IQCN: variants seen among roughly 807,000 people sequenced by gnomAD.
IQCN encodes IQ domain-containing protein N.
IQCN carries 46 observed loss-of-function variants against 64.4 expected under a neutral mutation model. The observed-to-expected ratio is 0.71, with a 90% CI of 0.56 to 0.91. The LOEUF is 0.91. Ranked by LOEUF, IQCN falls within the 40% of genes least tolerant of loss-of-function variation. IQCN has a pLI of 0.00. For synonymous variants in IQCN, 733 were observed against 775.6 expected (o/e 0.95, Z 0.91); for missense variants, 1,753 against 1,857.4 (o/e 0.94, Z 1.03).
Position 18,266,646 on chromosome 19 carries a change from C to T in IQCN, c.894G>A (p.Leu298=). The change falls in exon 3 of 4, where the codon TTG becomes TTA. Residue 298 remains leucine, a synonymous_variant. Transcript: ENST00000392413. This position sits in a 1 kb window ranked among gnomAD's most constrained non-coding sequence, Gnocchi z 4.3. ...TAACTGCCTGGTCATACCTTCTGGA[C>T]AATGGTGTCTCCGGAGCCCTGGCTT... ...TNKARAPETP[L]SRRYDQAVTR... The T allele has an allele frequency of 6.2e-7, 1 of 1,614,088 alleles. No individual in the cohort carries two copies. The highest frequency in any genetic ancestry group is 8.5e-7 in the Non-Finnish European group (1 of 1,180,020).
At chr19:18,262,142 T>C (rs970236515) in intron 3 of IQCN, 1 of 153,172 alleles carries the variant, frequency 6.5e-6, no homozygotes, top group African/African-American at 2.4e-5. Flanking sequence ...TGGCCATAGA[T>C]AGGTAGCCTG....
chr19:18,270,080 T>TAAAG (rs1969702658), intron 1 of IQCN, among the ~76,000 whole-genome samples: 2 of 99,044 alleles, frequency 2.0e-5, no homozygotes, highest in South Asian at 3.5e-4. Flanking sequence ...AAAAAAAAAT[T>TAAAG]GGCCAGGCGT....
Position 18,265,150 on chromosome 19 carries a change from G to A in IQCN, c.2390C>T (p.Ala797Val). 6.2e-7 allele frequency: 1 copy of A among 1,607,264 alleles called. No homozygotes were observed. ...RLGGLSAPPW[A>V]KPEDRQTQPQ... ...CTGGGTCTGTCTGTCCTCTGGCTTGGCCCAGGGTGGGGCGCTGAGGCCACC... is the reference window on the plus strand; with the variant it reads ...CTGGGTCTGTCTGTCCTCTGGCTTGACCCAGGGTGGGGCGCTGAGGCCACC... The change falls in exon 3 of 4, where the codon GCC becomes GTC. Residue 797 changes from alanine (A) to valine (V), a missense_variant. Ala to Val is a moderately conservative substitution (Grantham distance 64, BLOSUM62 0). Coordinates refer to ENST00000392413, the MANE Select transcript of IQCN (RefSeq NM_001145304.2). The surrounding 1 kb of genome is among the most constrained non-coding windows in gnomAD (Gnocchi z 4.7).
Position 18,266,646 on chromosome 19 carries a change from C to A in IQCN, c.894G>T (p.Leu298Phe), listed in dbSNP as rs751508699. 2.5e-6 allele frequency: 4 copies of A among 1,613,970 alleles called. No individual in the cohort carries two copies. In the African/African-American group the frequency reaches 5.3e-5, roughly 22 times the overall value. The change falls in exon 3 of 4, where the codon TTG (leucine) becomes TTT (phenylalanine). Residue 298 changes from leucine to phenylalanine, a missense_variant. Physicochemically the swap from Leu to Phe is conservative, Grantham distance 22. Transcript: ENST00000392413. This position sits in a 1 kb window ranked among gnomAD's most constrained non-coding sequence, Gnocchi z 4.3. ...TAACTGCCTGGTCATACCTTCTGGA[C>A]AATGGTGTCTCCGGAGCCCTGGCTT... ...TNKARAPETP[L>F]SRRYDQAVTR...
rs768761161 is a variant in IQCN at position 18,265,196 on chromosome 19, T to C, written c.2344A>G (p.Asn782Asp). The change falls in exon 3 of 4, where the codon AAC (asparagine) becomes GAC (aspartate). Residue 782 changes from asparagine (N) to aspartate (D), a missense_variant. Physicochemically the swap from Asn to Asp is conservative, Grantham distance 23 (BLOSUM62 1). Coordinates refer to ENST00000392413, the MANE Select transcript of IQCN (RefSeq NM_001145304.2). This position sits in a 1 kb window ranked among gnomAD's most constrained non-coding sequence, Gnocchi z 4.7. ...QVLLTGSKVS[N>D]HACQRLGGLS... The stretch of plus-strand genomic sequence containing the variant: ...CCACCGAGGCGCTGGCAGGCGTGGT[T>C]GGACACCTTGGACCCTGTTAGGAGC... 1 of 1,611,204 alleles carries C rather than the reference T, an allele frequency of 6.2e-7. No homozygotes were observed. Among genetic ancestry groups the C allele is most frequent in the Non-Finnish European group, 8.5e-7 (1 of 1,179,978 alleles).
Position 18,269,592 on chromosome 19 carries a change from C to G in IQCN, c.-109-5G>C. ...ATGCAGCAACACTGCCCTGGGCTGGCTCAAGACCAACACAAAAAGAAATGT... is the reference window on the plus strand; with the variant it reads ...ATGCAGCAACACTGCCCTGGGCTGGGTCAAGACCAACACAAAAAGAAATGT... On this transcript the variant is annotated splice_polypyrimidine_tract_variant and splice_region_variant and intron_variant, in intron 1 of 3. Coordinates refer to ENST00000392413, the MANE Select transcript of IQCN (RefSeq NM_001145304.2). The G allele has an allele frequency of 1.2e-6, 1 of 846,114 alleles. No individual in the cohort carries two copies. The highest frequency in any genetic ancestry group is 1.8e-6 in the Non-Finnish European group (1 of 557,700). 52.4% of individuals were successfully genotyped at this position (846,114 alleles called of 1,614,324 possible).
rs765090909 is a variant in IQCN, at chr19:18,265,174, C to T, written c.2366G>A (p.Gly789Asp). 6.2e-7 allele frequency: 1 copy of T among 1,609,304 alleles called. No homozygotes were observed. Among genetic ancestry groups the T allele is most frequent in the Admixed American group, 1.7e-5 (1 of 60,012 alleles). ...KVSNHACQRL[G>D]GLSAPPWAKP... ...GGCCCAGGGTGGGGCGCTGAGGCCACCGAGGCGCTGGCAGGCGTGGTTGGA... is the reference window on the plus strand; with the variant it reads ...GGCCCAGGGTGGGGCGCTGAGGCCATCGAGGCGCTGGCAGGCGTGGTTGGA... The change falls in exon 3 of 4, where the codon GGT becomes GAT. Residue 789 changes from glycine to aspartate, a missense_variant. Transcript: ENST00000392413. The surrounding 1 kb of genome is among the most constrained non-coding windows in gnomAD (Gnocchi z 4.7).
At chr19:18,258,793 A>C in intron 3 of IQCN, 1 of 208,786 alleles carries the variant, frequency 4.8e-6, no homozygotes, top group Non-Finnish European at 9.9e-6. Flanking sequence ...TGAGTGACAG[A>C]CCCCTGTTGA....
Position 18,257,116 on chromosome 19 carries a change from A to C in IQCN, c.*64T>G. On this transcript the variant is annotated 3_prime_UTR_variant, in exon 4 of 4. Transcript: ENST00000392413. ...CAAGATCTAGGCTGTGGAGGACTTT[A>C]TTCATTAGACCCAGAGAGCCATGAG... The C allele has an allele frequency of 6.5e-7, 1 of 1,526,936 alleles. No individual in the cohort carries two copies. Among genetic ancestry groups the C allele is most frequent in the Non-Finnish European group, 8.9e-7 (1 of 1,118,738 alleles). The allele number at this position is 1,526,936 out of a possible 1,614,324, so 94.6% of individuals were successfully genotyped here.
rs1969490705 is a variant in IQCN, at chr19:18,264,256, A to C, written c.3177+107T>G. 11 of 971,834 alleles carry C rather than the reference A, an allele frequency of 1.1e-5. No individual in the cohort carries two copies. Among genetic ancestry groups the C allele is most frequent in the Non-Finnish European group, 1.6e-5 (11 of 678,620 alleles). The allele number at this position is 971,834 out of a possible 1,614,324, so 60.2% of individuals were successfully genotyped here. On this transcript the variant is annotated intron_variant, in intron 3 of 3. Transcript: ENST00000392413. The surrounding 1 kb of genome is among the most constrained non-coding windows in gnomAD (Gnocchi z 4.3). ...GCTCCCACAGTGACCACAGATAAGC[A>C]GGGTGACCCCCACAAGATGGCCCCA...
Position 18,257,490 on chromosome 19 carries a change from G to A in IQCN, c.3794C>T (p.Thr1265Ile), listed in dbSNP as rs78932733. 7.2e-4 allele frequency: 1,163 copies of A among 1,609,126 alleles called. 6 individuals are homozygous for A. The African/African-American group carries it at 0.014, about 20-fold the overall frequency. The change falls in exon 4 of 4, where the codon ACC (threonine) becomes ATC (isoleucine). Residue 1265 changes from threonine (T) to isoleucine (I), a missense_variant. Transcript: ENST00000392413. The part of the protein sequence containing the change: ...TCHTCGRTQP[T>I]RVVQGMGQGT... The stretch of plus-strand genomic sequence containing the variant: ...CTGGCCCATGCCCTGCACCACACGG[G>A]TGGGCTGTGTGCGTCCACAGGTATG...
At chr19:18,271,740 T>C (rs1035420710) in intron 1 of IQCN, among the ~76,000 whole-genome samples, 2 of 152,114 alleles carry the variant, frequency 1.3e-5, no homozygotes, top group African/African-American at 4.8e-5. Context: ...AACCTAAGTG[T>C]TGCTGGGGCA....
Position 18,257,834 on chromosome 19 carries a change from G to A in IQCN, c.3450C>T (p.Tyr1150=), listed in dbSNP as rs1297304938. 1.9e-6 allele frequency: 3 copies of A among 1,611,494 alleles called. No homozygotes were observed. The highest frequency in any genetic ancestry group is 2.5e-6 in the Non-Finnish European group (3 of 1,179,752). The change falls in exon 4 of 4, where the codon TAC becomes TAT. Residue 1150 remains tyrosine, a synonymous_variant. Coordinates refer to ENST00000392413, the MANE Select transcript of IQCN (RefSeq NM_001145304.2). ...GGTGTGCCAGGTTCCGCCGCACACG[G>A]TAGCCGCGCCAAGTAGCTTGGATGA... ...AMVIQATWRG[Y]RVRRNLAHLC... is the part of the protein sequence containing the mutation.
rs55997573 is a variant in IQCN, at chr19:18,264,194, C to G, written c.3177+169G>C. Among the ~76,000 whole-genome samples, 3 of 152,258 alleles carry G rather than the reference C, an allele frequency of 2.0e-5. No individual in the cohort carries two copies. The highest frequency in any genetic ancestry group is 1.3e-4 in the Admixed American group (2 of 15,300). Reference sequence around the variant, plus strand: ...GATACAGGCCAGTGATCAGGGGACCCTGGTGAATGCTGGTGATGACGCTAC... The same window carrying G: ...GATACAGGCCAGTGATCAGGGGACCGTGGTGAATGCTGGTGATGACGCTAC... On this transcript the variant is annotated intron_variant, in intron 3 of 3. Coordinates refer to ENST00000392413, the MANE Select transcript of IQCN (RefSeq NM_001145304.2). The surrounding 1 kb of genome is among the most constrained non-coding windows in gnomAD (Gnocchi z 4.3).
chr19:18,257,994 C>G lies in IQCN; in HGVS notation c.3290G>C (p.Arg1097Thr). 3.1e-6 allele frequency: 5 copies of G among 1,612,612 alleles called. No homozygotes were observed. The highest frequency in any genetic ancestry group is 4.2e-6 in the Non-Finnish European group (5 of 1,179,774). ...TWRNKAVVPP[R>T]RSGEPMVSMQ... ...GGACACCATTGGCTCCCCGGACCGC[C>G]TGGGAGGCACCACCGCCTTGTTGCG... is the stretch of plus-strand genomic sequence containing the variant. Residue 1097 changes from arginine (R) to threonine (T), a missense_variant, in exon 4 of 4, where the codon AGG (arginine) becomes ACG (threonine). By Grantham distance (71) the Arg-to-Thr change is moderately conservative. Transcript: ENST00000392413.
At chr19:18,269,009 A>G (rs1969673508) in intron 2 of IQCN, among the ~76,000 whole-genome samples, 1 of 150,594 alleles carries the variant, frequency 6.6e-6, no homozygotes, top group Non-Finnish European at 1.5e-5. Context: ...ATGAGCCTGT[A>G]GTCCCAGCTA....
intron 2 of IQCN, chr19:18,267,792 C>CTT (rs201236242): frequency 1.1e-3 from 245 of 213,722 alleles, no homozygotes; most frequent in Middle Eastern, 2.9e-3. Context: ...TTTTTCTTTT[C>CTT]TTTTTTTTTT....
Position 18,274,427 on chromosome 19 carries a change from G to A in IQCN, c.-134C>T, listed in dbSNP as rs1969808211. ...CCTGCCCCTGAAGCTAAACCTAGCAGTCTGAACGGCCAGTCTTGGAGCCCT... is the reference window on the plus strand; with the variant it reads ...CCTGCCCCTGAAGCTAAACCTAGCAATCTGAACGGCCAGTCTTGGAGCCCT... On this transcript the variant is annotated 5_prime_UTR_variant, in exon 1 of 4. Transcript: ENST00000392413. 1 of 151,882 alleles carries A rather than the reference G, an allele frequency of 6.6e-6. No homozygotes were observed. Among genetic ancestry groups the A allele is most frequent in the African/African-American group, 2.4e-5 (1 of 41,300 alleles). The allele number at this position is 151,882 out of a possible 1,614,324, so 9.4% of individuals were successfully genotyped here.
Position 18,266,446 on chromosome 19 carries a change from T to C in IQCN, c.1094A>G (p.Lys365Arg). The change falls in exon 3 of 4, where the codon AAG becomes AGG. Residue 365 changes from lysine to arginine, a missense_variant. By Grantham distance (26) the Lys-to-Arg change is conservative (BLOSUM62 2). Coordinates refer to ENST00000392413, the MANE Select transcript of IQCN (RefSeq NM_001145304.2). The surrounding 1 kb of genome is among the most constrained non-coding windows in gnomAD (Gnocchi z 4.3). ...PASTMTTTPP[K>R]TSPVPKVTII... ...TGTTACTTTGGGAACTGGGCTAGTC[T>C]TGGGTGGGGTGGTGGTCATCGTGGA... The C allele has an allele frequency of 6.3e-7, 1 of 1,584,424 alleles. No individual in the cohort carries two copies. The highest frequency in any genetic ancestry group is 8.6e-7 in the Non-Finnish European group (1 of 1,165,638).
Sources: allele counts gnomAD v4.1 joint callset (sites outside exome capture counted in the v4.1 genomes callset), GRCh38; gene constraint gnomAD v4.1.1; non-coding constraint Gnocchi (gnomAD v3.1); transcripts MANE v1.5; gene names NCBI Gene and HGNC (gene_info 2026-07-23, HGNC 2026-07-21).